The following DENND5A variants were observed in gnomAD, a reference collection of about 807,000 sequenced individuals.
DENND5A encodes the protein DENN domain-containing protein 5A.
A neutral mutation model predicts 140.3 loss-of-function variants in DENND5A; 64 were observed. The observed-to-expected ratio is 0.46, with a 90% CI of 0.37 to 0.56. DENND5A has a LOEUF of 0.56. Among genes scored for constraint, DENND5A ranks in the 20% least tolerant of loss-of-function variants. The probability of loss-of-function intolerance (pLI) is 0.00; values close to 1 mark genes in which losing one functional copy is unlikely to be tolerated. For synonymous variants in DENND5A, 605 were observed against 607.7 expected, an observed-to-expected ratio of 1.00 and a Z score of 0.07; for missense variants, 1,292 against 1,593.8, an observed-to-expected ratio of 0.81 and a Z score of 3.22.
In DENND5A at chr11:9,180,924, G is replaced by A. The variant is rs1848707475; in HGVS notation, c.1298C>T (p.Ser433Phe). ...EGNLHCSESA[S>F]KLKRLRASEL... ...AGAGGCCCGCAGCCTCTTCAGCTTGGAGGCACTCTCACTGCAATGAAGATT... is the reference window on the plus strand; with the variant it reads ...AGAGGCCCGCAGCCTCTTCAGCTTGAAGGCACTCTCACTGCAATGAAGATT... Residue 433 changes from serine (S) to phenylalanine (F), a missense_variant, in exon 6 of 23, where the codon TCC (serine) becomes TTC (phenylalanine). Coordinates refer to ENST00000328194, the MANE Select transcript of DENND5A (RefSeq NM_015213.4). 3 of 1,614,154 alleles carry A rather than the reference G, an allele frequency of 1.9e-6. No homozygotes were observed. The highest frequency in any genetic ancestry group is 1.7e-6 in the Non-Finnish European group (2 of 1,180,042).
intron 4 of DENND5A, 84 bp downstream of exon 4, chr11:9,203,576 C>T: frequency 6.8e-7 from 1 of 1,460,430 alleles, no homozygotes; most frequent in African/African-American, 1.4e-5. Context: ...AGCTCTTAAC[C>T]TTTACAGTCA....
intron 4 of DENND5A, among the ~76,000 whole-genome samples, chr11:9,196,868 C>T (rs1384630108): frequency 6.6e-6 from 1 of 151,986 alleles, no homozygotes; most frequent in Non-Finnish European, 1.5e-5. Context: ...TCCTTGGCCT[C>T]TCAAAGTGCT....
chr11:9,170,263 A>G, intron 9 of DENND5A: 3 of 984,376 alleles, frequency 3.0e-6, no homozygotes, highest in Non-Finnish European at 3.6e-6. Flanking sequence ...ACTAATGAGT[A>G]ATTCTGCTAA....
At chr11:9,228,852 T>C (rs1312162826) in intron 1 of DENND5A, among the ~76,000 whole-genome samples, 1 of 152,162 alleles carries the variant, frequency 6.6e-6, no homozygotes, top group African/African-American at 2.4e-5. Flanking sequence ...ACTTGCCCCA[T>C]CCATCTCTTC....
At chr11:9,238,686 T>C (rs1851106749) in intron 1 of DENND5A, among the ~76,000 whole-genome samples, 1 of 152,026 alleles carries the variant, frequency 6.6e-6, no homozygotes, top group Non-Finnish European at 1.5e-5. Context: ...AGTGCTGAGA[T>C]TACAGGTGTG....
At chr11:9,263,526 C>A (rs1377752610) in intron 1 of DENND5A, among the ~76,000 whole-genome samples, 1 of 151,042 alleles carries the variant, frequency 6.6e-6, no homozygotes, top group Admixed American at 6.6e-5. Flanking sequence ...TGGGCCACCG[C>A]GCCCCGCCTA....
intron 10 of DENND5A, among the ~76,000 whole-genome samples, chr11:9,167,801 T>G (rs1489118599): frequency 6.6e-6 from 1 of 152,028 alleles, no homozygotes; most frequent in African/African-American, 2.4e-5. Flanking sequence ...AGACCCCATT[T>G]CAAAATAAAA....
chr11:9,264,930 G>C (rs778777693), intron 1 of DENND5A, 31 bp downstream of exon 1: 19 of 1,510,376 alleles, frequency 1.3e-5, no homozygotes, highest in Non-Finnish European at 1.7e-5. Flanking sequence ...AGCGGGCGCG[G>C]GAAAGCGCCC....
At chr11:9,150,919 A>C (rs1293899700) in intron 13 of DENND5A, among the ~76,000 whole-genome samples, 155 bp from the exon 14 acceptor site, 1 of 152,236 alleles carries the variant, frequency 6.6e-6, no homozygotes, top group African/African-American at 2.4e-5. Context: ...TGAAATTCCT[A>C]CTAGAGACCG....
chr11:9,207,701 TC>T, intron 1 of DENND5A, 69 bp from the exon 2 acceptor site: 1 of 1,108,142 alleles, frequency 9.0e-7, no homozygotes, highest in Non-Finnish European at 1.4e-6. Context: ...TGACCATTAT[TC>T]CAGTACAAAT....
rs770636305 is a variant in DENND5A, at chr11:9,233,217, C to T, written c.110-25585G>A. Among the ~76,000 whole-genome samples, 50 of 151,806 alleles carry T rather than the reference C, an allele frequency of 3.3e-4. 1 individual carries two copies. The highest frequency in any genetic ancestry group is 7.2e-4 in the Admixed American group (11 of 15,238). On this transcript the variant is annotated intron_variant, in intron 1 of 22. Coordinates refer to ENST00000328194, the MANE Select transcript of DENND5A (RefSeq NM_015213.4). ...AGTTCGAGACCAGCCTGGCCAGCAT[C>T]GTGAAACCTCGCCTCTACTAAAAAT...
intron 4 of DENND5A, among the ~76,000 whole-genome samples, chr11:9,202,543 C>T (rs1214933425): frequency 2.0e-5 from 3 of 151,992 alleles, no homozygotes; most frequent in East Asian, 3.9e-4. Flanking sequence ...GCGAATCTTC[C>T]GTAGCTAGAA....
intron 1 of DENND5A, among the ~76,000 whole-genome samples, chr11:9,210,761 G>A (rs1390534867): frequency 1.3e-5 from 2 of 152,120 alleles, no homozygotes; most frequent in East Asian, 3.9e-4. Context: ...TCAAATTCCT[G>A]GGCTTACGCA....
intron 1 of DENND5A, among the ~76,000 whole-genome samples, chr11:9,253,204 C>T (rs1297478763): frequency 1.3e-5 from 2 of 151,842 alleles, no homozygotes; most frequent in African/African-American, 4.8e-5. Context: ...TCCAACAAAG[C>T]CAAAAAACAA....
chr11:9,168,815 AGATG>A (rs1329542567), intron 10 of DENND5A, among the ~76,000 whole-genome samples: 1 of 152,252 alleles, frequency 6.6e-6, no homozygotes, highest in African/African-American at 2.4e-5. Flanking sequence ...TCTCTGTGCA[AGATG>A]AAAATTACAG....
intron 1 of DENND5A, among the ~76,000 whole-genome samples, chr11:9,210,448 T>C (rs539696786): frequency 2.6e-5 from 4 of 152,366 alleles, no homozygotes; most frequent in African/African-American, 9.6e-5. Flanking sequence ...AAATCAATCA[T>C]AACAGACTTT....
chr11:9,145,181 C>A, intron 17 of DENND5A, 68 bp from the exon 18 acceptor site: 1 of 1,193,012 alleles, frequency 8.4e-7, no homozygotes, highest in Non-Finnish European at 1.3e-6. Context: ...TTCTCGGAGG[C>A]ACAGATCTGA....
At chr11:9,189,232 C>G (rs1453791699) in intron 5 of DENND5A, among the ~76,000 whole-genome samples, 1 of 152,166 alleles carries the variant, frequency 6.6e-6, no homozygotes, top group East Asian at 1.9e-4. Context: ...ACATGGAAGT[C>G]AAGAATTGGG....
At chr11:9,178,768 T>A (rs767058926) in intron 7 of DENND5A, 90 bp downstream of exon 7, 10 of 1,103,960 alleles carry the variant, frequency 9.1e-6, no homozygotes, top group Non-Finnish European at 1.4e-5. Context: ...TAATCTTCCA[T>A]TACTTCTTCG....
Sources: gnomAD v4.1 joint callset for allele counts (sites outside exome capture counted in the v4.1 genomes callset) on GRCh38, gnomAD v4.1.1 for gene constraint, MANE v1.5 for transcripts, NCBI Gene and HGNC (gene_info 2026-07-23, HGNC 2026-07-21) for gene names.